Variants in UVSSA observed in about 807,000 individuals in gnomAD.
UVSSA encodes UV stimulated scaffold protein A, also known as UV-stimulated scaffold protein A.
Under a neutral mutation model 73.9 loss-of-function variants are expected in UVSSA, and 72 were observed. That is an observed-to-expected ratio of 0.97 (90% CI 0.81 to 1.19). The LOEUF is 1.19. UVSSA is among the 50% of genes most tolerant of loss of function. UVSSA has a pLI of 0.00. For synonymous variants in UVSSA, 454 were observed against 391.3 expected (o/e 1.16, Z -1.89); for missense variants, 1,150 against 965.0 (o/e 1.19, Z -2.54).
intron 8 of UVSSA, among the ~76,000 whole-genome samples, chr4:1,367,086 C>T (rs79947921): frequency 1.3e-5 from 2 of 152,196 alleles, no homozygotes; most frequent in Non-Finnish European, 2.9e-5. Context: ...GCCACAGCCT[C>T]GGGTCTGGGC....
intron 2 of UVSSA, among the ~76,000 whole-genome samples, chr4:1,349,061 C>G (rs147184894): frequency 7.3e-6 from 1 of 137,800 alleles, no homozygotes; most frequent in African/African-American, 2.8e-5. Flanking sequence ...GGGCGGTTGG[C>G]GTTTGTGCCG....
chr4:1,354,959 C>A (rs1011000660), intron 6 of UVSSA, 112 bp downstream of exon 6: 20 of 1,530,696 alleles, frequency 1.3e-5, no homozygotes, highest in Admixed American at 2.0e-5. Context: ...GGCCCTTAAC[C>A]CGCGAGGGCT....
intron 7 of UVSSA, chr4:1,356,925 GT>G (rs1452645248): frequency 6.5e-6 from 1 of 153,012 alleles, no homozygotes; most frequent in Non-Finnish European, 1.5e-5. Context: ...TCTGCAGACA[GT>G]TTTGTCTGAA....
chr4:1,346,285 C>A (rs954717696), upstream of UVSSA, among the ~76,000 whole-genome samples: 1 of 152,256 alleles, frequency 6.6e-6, no homozygotes, highest in Non-Finnish European at 1.5e-5. Context: ...GAAACCCCGG[C>A]CCGCCGCCGG....
intron 7 of UVSSA, among the ~76,000 whole-genome samples, chr4:1,362,983 G>A (rs981816893): frequency 6.6e-6 from 1 of 152,216 alleles, no homozygotes; most frequent in African/African-American, 2.4e-5. Flanking sequence ...GGAGGTGACC[G>A]CACTGTGCGT....
chr4:1,389,731 G>A (rs569011008), downstream of UVSSA: 2 of 152,078 alleles, frequency 1.3e-5, no homozygotes, highest in East Asian at 3.9e-4. Flanking sequence ...GTGTTGTCCA[G>A]GCTGATCTTT....
chr4:1,369,722 C>T (rs1046011944), intron 8 of UVSSA, among the ~76,000 whole-genome samples: 1 of 152,250 alleles, frequency 6.6e-6, no homozygotes, highest in African/African-American at 2.4e-5. Flanking sequence ...TCTCCGTTTC[C>T]TACCATCGAT....
intron 10 of UVSSA, among the ~76,000 whole-genome samples, chr4:1,378,821 G>A (rs1719088178): frequency 6.6e-6 from 1 of 152,248 alleles, no homozygotes; most frequent in South Asian, 2.1e-4. Context: ...TGACTGCGGG[G>A]CACATGGCCA....
chr4:1,378,260 T>C (rs1719011581), intron 10 of UVSSA, among the ~76,000 whole-genome samples: 1 of 152,078 alleles, frequency 6.6e-6, no homozygotes, highest in Non-Finnish European at 1.5e-5. Context: ...CACAGAGGGC[T>C]GGCGGGCCCT....
At position 1,376,059 on chromosome 4, in the gene UVSSA, C is replaced by T. The variant is rs1158714439; in HGVS notation, c.1459C>T (p.Gln487Ter). The T allele has an allele frequency of 1.9e-6, 3 of 1,599,986 alleles. No homozygotes were observed. The highest frequency in any genetic ancestry group is 2.2e-5 in the South Asian group (2 of 88,890). Residue 487 changes from glutamine to a stop codon, truncating the protein, a stop_gained, in exon 10 of 14, where the codon CAG (glutamine) becomes TAG (stop). Coordinates refer to ENST00000389851, the MANE Select transcript of UVSSA (RefSeq NM_020894.4). LOFTEE classifies it high-confidence loss of function. ...CCCCTCCAGAGCGTTGCCAGAGCCA[C>T]AGGAGGCCCAGAAGCTGGCAGCAGA... ...ASPSRALPEP[Q>*]EAQKLAAERA...
At chr4:1,389,793 G>A (rs1720362279), downstream of UVSSA, 1 of 152,128 alleles carries the variant, frequency 6.6e-6, no homozygotes, top group South Asian at 2.1e-4. Context: ...TCAAAGTGCT[G>A]GGATTGTGGA....
chr4:1,385,619 G>A (rs944558356), intron 13 of UVSSA: 16 of 544,012 alleles, frequency 2.9e-5, no homozygotes, highest in African/African-American at 1.1e-4. Context: ...CCTTCACCGC[G>A]CAGAACCACC....
chr4:1,344,529 C>A (rs933496542), upstream of UVSSA, among the ~76,000 whole-genome samples: 31 of 152,072 alleles, frequency 2.0e-4, no homozygotes, highest in Non-Finnish European at 2.9e-4. Context: ...CCAGCCTGGG[C>A]GACAGAGCAA....
chr4:1,382,330 G>A (rs1719604142), intron 12 of UVSSA, among the ~76,000 whole-genome samples: 1 of 152,224 alleles, frequency 6.6e-6, no homozygotes, highest in African/African-American at 2.4e-5. Flanking sequence ...GCGGGCTGCG[G>A]CCAGCGCTGG....
upstream of UVSSA, chr4:1,347,151 G>A (rs13140926): frequency 0.29 from 43,659 of 152,090 alleles, 7,385 homozygotes; most frequent in Non-Finnish European, 0.39. Flanking sequence ...GCCAATGGCG[G>A]TAGAGGTCTT....
chr4:1,364,801 C>T (rs1717101951), intron 7 of UVSSA, among the ~76,000 whole-genome samples: 1 of 152,112 alleles, frequency 6.6e-6, no homozygotes, highest in African/African-American at 2.4e-5. Flanking sequence ...ACCCTGGCCA[C>T]CCTGGGGGCA....
chr4:1,380,157 T>A lies in UVSSA; in HGVS notation c.1679T>A (p.Phe560Tyr). Residue 560 changes from phenylalanine (F) to tyrosine (Y), a missense_variant, in exon 11 of 14, where the codon TTT becomes TAT. Phe to Tyr is a conservative substitution (Grantham distance 22). Coordinates refer to ENST00000389851, the MANE Select transcript of UVSSA (RefSeq NM_020894.4). The part of the protein sequence containing the change: ...RSRHITFAGK[F>Y]EPVQHWCRAP... ...CGCCACATCACTTTTGCCGGGAAGT[T>A]TGAGCCTGTGCAGCACTGGTGCCGT... is the stretch of plus-strand genomic sequence containing the variant. 6 of 1,613,194 alleles carry A rather than the reference T, an allele frequency of 3.7e-6. No homozygotes were observed. Among genetic ancestry groups the A allele is most frequent in the South Asian group, 2.2e-5 (2 of 91,076 alleles).
chr4:1,378,866 C>T (rs1279996852), intron 10 of UVSSA, among the ~76,000 whole-genome samples: 5 of 152,250 alleles, frequency 3.3e-5, no homozygotes, highest in African/African-American at 4.8e-5. Context: ...TTGCCCGAGA[C>T]GCCTCTGCCT....
intron 8 of UVSSA, among the ~76,000 whole-genome samples, chr4:1,367,640 T>C (rs1717505668): frequency 6.6e-6 from 1 of 152,006 alleles, no homozygotes; most frequent in African/African-American, 2.4e-5. Context: ...GAAGAAAGCC[T>C]CAGACACCTG....
Sources: allele counts gnomAD v4.1 joint callset (sites outside exome capture counted in the v4.1 genomes callset), GRCh38; gene constraint gnomAD v4.1.1; transcripts MANE v1.5; gene names NCBI Gene and HGNC (gene_info 2026-07-23, HGNC 2026-07-21).